The following OPCML variants were observed in gnomAD, a reference collection of about 807,000 sequenced individuals.
OPCML encodes opioid-binding protein/cell adhesion molecule.
In OPCML, 13 loss-of-function variants were observed where a neutral mutation model predicts 37.8. That is an observed-to-expected ratio of 0.34 (90% confidence interval 0.22 to 0.55). OPCML has a LOEUF of 0.55. OPCML is among the 20% of genes least tolerant of loss of function. The probability of loss-of-function intolerance (pLI) is 0.91; values close to 1 mark genes in which losing one functional copy is unlikely to be tolerated. For synonymous variants in OPCML, 176 were observed against 168.8 expected, an observed-to-expected ratio of 1.04 and a Z score of -0.33; for missense variants, 341 against 435.6, an observed-to-expected ratio of 0.78 and a Z score of 1.93.
At chr11:133,527,138 A>G (rs1948507093) in intron 1 of OPCML, among the ~76,000 whole-genome samples, 3 of 152,232 alleles carry the variant, frequency 2.0e-5, no homozygotes, top group Admixed American at 2.0e-4. Context: ...CAGCATCAGA[A>G]AAGCCAGTGC....
intron 2 of OPCML, among the ~76,000 whole-genome samples, chr11:132,715,465 C>T (rs1944437069): frequency 6.6e-6 from 1 of 152,238 alleles, no homozygotes. Flanking sequence ...TATGCATCCA[C>T]ACCAACTCCT....
intron 1 of OPCML, among the ~76,000 whole-genome samples, chr11:133,522,774 G>T (rs1163889911): frequency 6.6e-6 from 1 of 152,136 alleles, no homozygotes; most frequent in Non-Finnish European, 1.5e-5. Flanking sequence ...GATGCCCTTT[G>T]CCCGAGTGCT....
intron 2 of OPCML, among the ~76,000 whole-genome samples, chr11:132,659,910 T>A (rs555895130): frequency 6.6e-6 from 1 of 152,328 alleles, no homozygotes; most frequent in East Asian, 1.9e-4. Context: ...CTTGAAGGTC[T>A]TTTATTGATC....
chr11:133,139,429 T>G (rs559589276), intron 1 of OPCML, among the ~76,000 whole-genome samples: 3 of 152,314 alleles, frequency 2.0e-5, no homozygotes, highest in Non-Finnish European at 4.4e-5. Context: ...CTCAGAGAGG[T>G]TGCCCAGTGC....
intron 2 of OPCML, among the ~76,000 whole-genome samples, chr11:132,790,849 C>A (rs1305764314): frequency 6.6e-6 from 1 of 152,196 alleles, no homozygotes; most frequent in Non-Finnish European, 1.5e-5. Flanking sequence ...AGAACAATAT[C>A]ATCCACCATA....
At chr11:132,470,050 A>G (rs2136954995) in intron 4 of OPCML, among the ~76,000 whole-genome samples, 1 of 152,226 alleles carries the variant, frequency 6.6e-6, no homozygotes, top group East Asian at 1.9e-4. Context: ...TTTGAATTTC[A>G]TGCAAAGTGC....
intron 1 of OPCML, among the ~76,000 whole-genome samples, chr11:133,243,501 C>T (rs907985993): frequency 9.2e-5 from 14 of 152,180 alleles, no homozygotes; most frequent in African/African-American, 3.4e-4. Context: ...TAAATGTGTT[C>T]ACAGCAAGGT....
chr11:132,785,627 C>A (rs1273381386), intron 2 of OPCML, among the ~76,000 whole-genome samples: 4 of 152,102 alleles, frequency 2.6e-5, no homozygotes, highest in African/African-American at 9.7e-5. Flanking sequence ...TTTAAAAAGT[C>A]ATCAGAAGGA....
intron 1 of OPCML, among the ~76,000 whole-genome samples, chr11:133,290,926 G>A (rs1471916543): frequency 6.6e-6 from 1 of 152,228 alleles, no homozygotes; most frequent in African/African-American, 2.4e-5. Context: ...CACTTGAATT[G>A]TGCTAAGTCT....
intron 3 of OPCML, among the ~76,000 whole-genome samples, chr11:132,538,888 A>G (rs1289035518): frequency 1.3e-5 from 2 of 152,120 alleles, no homozygotes; most frequent in African/African-American, 2.4e-5. Context: ...CCCATGTGCC[A>G]TATTCCCCAT....
intron 2 of OPCML, among the ~76,000 whole-genome samples, chr11:132,692,359 G>A (rs1450510752): frequency 6.6e-6 from 1 of 152,188 alleles, no homozygotes; most frequent in Non-Finnish European, 1.5e-5. Flanking sequence ...TCGTTGCCAT[G>A]CAGCTCATGC....
At chr11:133,481,075 G>C (rs1174976638) in intron 1 of OPCML, among the ~76,000 whole-genome samples, 1 of 152,232 alleles carries the variant, frequency 6.6e-6, no homozygotes, top group Admixed American at 6.5e-5. Flanking sequence ...AGATTACTTA[G>C]ATGAATAGCT....
intron 5 of OPCML, 37 bp from the exon 6 acceptor site, chr11:132,436,816 C>T (rs373585349): frequency 1.9e-6 from 3 of 1,602,856 alleles, no homozygotes; most frequent in Non-Finnish European, 2.6e-6. Flanking sequence ...CACAGGCATG[C>T]ACGCACGCAC....
rs540937152 is a variant in OPCML, at chr11:133,219,546, C to G, written c.62-276536G>C. 1.8e-3 allele frequency among the ~76,000 whole-genome samples: 280 copies of G among 152,300 alleles called. 2 individuals are homozygous for G. Among genetic ancestry groups the G allele is most frequent in the Non-Finnish European group, 3.5e-3 (235 of 68,020 alleles). On this transcript the variant is annotated intron_variant, in intron 1 of 7. Transcript: ENST00000524381. ...GCATGGATAAGAATCATCCGGAGGG[C>G]TTGTTGAAACATAATCCATCCCCTG...
intron 2 of OPCML, among the ~76,000 whole-genome samples, chr11:132,852,132 T>C (rs1291891931): frequency 3.3e-5 from 5 of 152,198 alleles, no homozygotes; most frequent in Non-Finnish European, 1.5e-5. Flanking sequence ...CAGACCTTGT[T>C]AAAATAATTC....
intron 1 of OPCML, among the ~76,000 whole-genome samples, chr11:133,280,010 A>G (rs1942101771): frequency 6.6e-6 from 1 of 152,200 alleles, no homozygotes; most frequent in Non-Finnish European, 1.5e-5. Context: ...CAGGATGAGA[A>G]GTAGATTTGG....
At chr11:133,483,025 G>A (rs968804084) in intron 1 of OPCML, among the ~76,000 whole-genome samples, 5 of 152,038 alleles carry the variant, frequency 3.3e-5, no homozygotes, top group African/African-American at 1.2e-4. Context: ...GATATGGCTA[G>A]TATTTAGAAT....
chr11:133,502,580 A>G (rs1187725316), intron 1 of OPCML, among the ~76,000 whole-genome samples: 3 of 152,244 alleles, frequency 2.0e-5, no homozygotes, highest in Non-Finnish European at 4.4e-5. Flanking sequence ...CTGTACAGGA[A>G]AAAAGAAACC....
intron 4 of OPCML, among the ~76,000 whole-genome samples, chr11:132,483,642 C>T (rs2096188793): frequency 6.6e-6 from 1 of 152,164 alleles, no homozygotes; most frequent in Non-Finnish European, 1.5e-5. Context: ...AAGCTGGAGG[C>T]ATCACATTAC....
Sources: gnomAD v4.1 joint callset for allele counts (sites outside exome capture counted in the v4.1 genomes callset) on GRCh38, gnomAD v4.1.1 for gene constraint, MANE v1.5 for transcripts, NCBI Gene and HGNC (gene_info 2026-07-23, HGNC 2026-07-21) for gene names.